The following TMOD1 variants were observed in gnomAD, a reference collection of about 807,000 sequenced individuals.
The protein encoded by TMOD1 is tropomodulin 1, also known as tropomodulin-1.
Under a neutral mutation model 40.6 loss-of-function variants are expected in TMOD1, and 17 were observed. That is an observed-to-expected ratio of 0.42 (90% CI 0.29 to 0.63). TMOD1 has a LOEUF of 0.63. Among genes scored for constraint, TMOD1 ranks in the 20% least tolerant of loss-of-function variants. The pLI, the probability that TMOD1 is intolerant of heterozygous loss-of-function variation, is 0.22. For missense variants in TMOD1, 391 were observed against 447.6 expected, an observed-to-expected ratio of 0.87 and a Z score of 1.14; for synonymous variants, 181 against 175.0, an observed-to-expected ratio of 1.03 and a Z score of -0.27.
Position 97,576,621 on chromosome 9 carries a change from G to A in TMOD1, c.870+7584G>A, listed in dbSNP as rs558455198. 6.8e-5 allele frequency among the ~76,000 whole-genome samples: 10 copies of A among 147,816 alleles called. No individual in the cohort carries two copies. In the South Asian group the frequency reaches 2.2e-3, roughly 32 times the overall value. On this transcript the variant is annotated intron_variant, in intron 8 of 9. Transcript: ENST00000259365. The stretch of plus-strand genomic sequence containing the variant: ...CATAGAAACACAACTCATTGGCCAT[G>A]ATGGTTACTTTTTTTTTTTTTTCTT...
intron 2 of TMOD1, 143 bp from the exon 3 acceptor site, chr9:97,546,042 A>G: frequency 1.0e-6 from 1 of 990,374 alleles, no homozygotes; most frequent in South Asian, 1.9e-5. Flanking sequence ...TAAAACGAGG[A>G]ACACCATGGA....
At chr9:97,560,505 C>T (rs975542057) in intron 4 of TMOD1, among the ~76,000 whole-genome samples, 10 of 151,812 alleles carry the variant, frequency 6.6e-5, no homozygotes, top group South Asian at 2.1e-4. Context: ...TGGTGTTGGC[C>T]GGGCGAGGTG....
At chr9:97,541,903 G>A (rs1830281218) in intron 2 of TMOD1, among the ~76,000 whole-genome samples, 1 of 151,430 alleles carries the variant, frequency 6.6e-6, no homozygotes, top group Non-Finnish European at 1.5e-5. Context: ...TGAGATACAT[G>A]ATTTACAAAT....
intron 1 of TMOD1, among the ~76,000 whole-genome samples, chr9:97,514,961 A>T (rs1341498193): frequency 6.6e-6 from 1 of 152,160 alleles, no homozygotes; most frequent in African/African-American, 2.4e-5. Context: ...GGGTGTGATA[A>T]GAGAAAGAAA....
intron 8 of TMOD1, among the ~76,000 whole-genome samples, chr9:97,586,379 C>T (rs7039351): frequency 0.16 from 24,072 of 150,476 alleles, 2,141 homozygotes; most frequent in East Asian, 0.34. Context: ...TCTCCAGCTG[C>T]GTGCTGGGAG....
At chr9:97,523,824 A>G (rs1055953679) in intron 1 of TMOD1, among the ~76,000 whole-genome samples, 3 of 152,312 alleles carry the variant, frequency 2.0e-5, no homozygotes, top group Admixed American at 2.0e-4. Context: ...AGTTACACAG[A>G]AAAGTATTTG....
intron 1 of TMOD1, among the ~76,000 whole-genome samples, chr9:97,521,817 T>C (rs1328556606): frequency 6.6e-6 from 1 of 152,224 alleles, no homozygotes; most frequent in Non-Finnish European, 1.5e-5. Context: ...GGCCGACACA[T>C]GCACAGGCTT....
chr9:97,560,911 A>G (rs1033325966), intron 4 of TMOD1, among the ~76,000 whole-genome samples: 1 of 152,136 alleles, frequency 6.6e-6, no homozygotes, highest in African/African-American at 2.4e-5. Context: ...AAGTGGGTGC[A>G]GAGAATCACC....
chr9:97,508,316 G>A (rs1313640859), intron 1 of TMOD1, among the ~76,000 whole-genome samples: 1 of 151,980 alleles, frequency 6.6e-6, no homozygotes, highest in Non-Finnish European at 1.5e-5. Flanking sequence ...AGCCTCCCGA[G>A]TAGCTGGGAC....
chr9:97,553,724 G>C (rs1830488502), intron 4 of TMOD1, among the ~76,000 whole-genome samples: 1 of 152,148 alleles, frequency 6.6e-6, no homozygotes, highest in Non-Finnish European at 1.5e-5. Flanking sequence ...AACCATTTGG[G>C]AAGAGAGGAT....
chr9:97,523,217 G>T (rs1237189639), intron 1 of TMOD1, among the ~76,000 whole-genome samples: 1 of 152,196 alleles, frequency 6.6e-6, no homozygotes, highest in Admixed American at 6.5e-5. Context: ...CAGAGACAGG[G>T]TCCAAACACA....
chr9:97,591,338 G>A lies in TMOD1; in HGVS notation c.918G>A (p.Leu306=). The A allele has an allele frequency of 6.2e-7, 1 of 1,614,122 alleles. No individual in the cohort carries two copies. Among genetic ancestry groups the A allele is most frequent in the Non-Finnish European group, 8.5e-7 (1 of 1,180,028 alleles). The stretch of plus-strand genomic sequence containing the variant: ...TGGAAATGGAGATTGTGAGCATGTT[G>A]GAAAAAAACGCAACACTTCTCAAAT... ...NKVEMEIVSM[L]EKNATLLKFG... is the part of the protein sequence containing the mutation. The change falls in exon 9 of 10, where the codon TTG becomes TTA. Residue 306 remains leucine (L), a synonymous_variant. Transcript: ENST00000259365.
chr9:97,573,439 T>C (rs548842955), intron 8 of TMOD1, among the ~76,000 whole-genome samples: 4 of 152,366 alleles, frequency 2.6e-5, no homozygotes, highest in South Asian at 4.1e-4. Context: ...TTTTCCCAGA[T>C]TGGATGATTT....
At chr9:97,527,474 G>T (rs1367955289) in intron 2 of TMOD1, among the ~76,000 whole-genome samples, 1 of 152,236 alleles carries the variant, frequency 6.6e-6, no homozygotes, top group Non-Finnish European at 1.5e-5. Context: ...CACAGAGCAG[G>T]TGATACTGGA....
chr9:97,516,658 A>C (rs1274967799), intron 1 of TMOD1: 1 of 152,334 alleles, frequency 6.6e-6, no homozygotes, highest in Non-Finnish European at 1.5e-5. Context: ...CTGAGATCAT[A>C]AGAGGCAGTG....
rs1403205401 is a variant in TMOD1 at position 97,557,276 on chromosome 9, C to T, written c.397+3876C>T. ...GGCTAAGTTCTTGGCGCATAGCCTACAGGGTTGTAGGTCAGAGGCTGCTGG... is the reference window on the plus strand; with the variant it reads ...GGCTAAGTTCTTGGCGCATAGCCTATAGGGTTGTAGGTCAGAGGCTGCTGG... On this transcript the variant is annotated intron_variant, in intron 4 of 9. Transcript: ENST00000259365. The surrounding 1 kb of genome is among the most constrained non-coding windows in gnomAD (Gnocchi z 4.4). Among the ~76,000 whole-genome samples, 2 of 152,162 alleles carry T rather than the reference C, an allele frequency of 1.3e-5. No homozygotes were observed. Among genetic ancestry groups the T allele is most frequent in the African/African-American group, 4.8e-5 (2 of 41,432 alleles).
Position 97,512,104 on chromosome 9 carries a change from G to C in TMOD1, c.-49+10301G>C, listed in dbSNP as rs1422112016. On this transcript the variant is annotated intron_variant, in intron 1 of 9. Coordinates refer to ENST00000259365, the MANE Select transcript of TMOD1 (RefSeq NM_003275.4). ...TATGACACCTTGTTTACCTTCTCTG[G>C]ACTCAGCACCACTCAAAAGAGAAGG... Among the ~76,000 whole-genome samples the C allele has an allele frequency of 2.6e-5, 4 of 152,176 alleles. No individual in the cohort carries two copies. The East Asian group carries it at 7.7e-4, about 29-fold the overall frequency.
intron 2 of TMOD1, among the ~76,000 whole-genome samples, chr9:97,539,625 C>A (rs1285230557): frequency 6.6e-6 from 1 of 152,102 alleles, no homozygotes; most frequent in African/African-American, 2.4e-5. Context: ...TTAAAAAAAA[C>A]AGCTTTTTTG....
At chr9:97,599,149 T>TAAAC (rs1826190208) in intron 9 of TMOD1, among the ~76,000 whole-genome samples, 1 of 152,154 alleles carries the variant, frequency 6.6e-6, no homozygotes, top group African/African-American at 2.4e-5. Flanking sequence ...ATGGCAAGGT[T>TAAAC]AAACATAAGG....
Sources: allele counts gnomAD v4.1 joint callset (sites outside exome capture counted in the v4.1 genomes callset), GRCh38; gene constraint gnomAD v4.1.1; non-coding constraint Gnocchi (gnomAD v3.1); transcripts MANE v1.5; gene names NCBI Gene and HGNC (gene_info 2026-07-23, HGNC 2026-07-21).